The following PDE4D variants were observed in gnomAD, a reference collection of about 807,000 sequenced individuals.
PDE4D encodes the protein 3',5'-cyclic-AMP phosphodiesterase 4D.
In PDE4D, 24 loss-of-function variants were observed where a neutral mutation model predicts 87.4. That is an observed-to-expected ratio of 0.27 (90% CI 0.20 to 0.39). PDE4D has a LOEUF of 0.39. Among genes scored for constraint, PDE4D ranks in the 10% least tolerant of loss-of-function variants. The pLI, the probability that PDE4D is intolerant of heterozygous loss-of-function variation, is 1.00. For missense variants in PDE4D, 714 were observed against 1,041.0 expected, an observed-to-expected ratio of 0.69 and a Z score of 4.32; for synonymous variants, 384 against 383.2, an observed-to-expected ratio of 1.00 and a Z score of -0.02.
chr5:59,886,956 G>A (rs1750249902), intron 1 of PDE4D, among the ~76,000 whole-genome samples: 1 of 151,992 alleles, frequency 6.6e-6, no homozygotes, highest in African/African-American at 2.4e-5. Context: ...ATGAGGAGAG[G>A]TTGGAGCTAG....
At chr5:60,030,781 T>A (rs777150722) in intron 2 of PDE4D, 1 of 152,218 alleles carries the variant, frequency 6.6e-6, no homozygotes, top group Non-Finnish European at 1.5e-5. Flanking sequence ...TAAATGAATT[T>A]AAAAACTCAC....
chr5:59,022,938 G>A, intron 6 of PDE4D, among the ~76,000 whole-genome samples: 1 of 152,112 alleles, frequency 6.6e-6, no homozygotes, highest in Non-Finnish European at 1.5e-5. Flanking sequence ...CACTTTGGCG[G>A]GCCAAGGTGG....
intron 1 of PDE4D, among the ~76,000 whole-genome samples, chr5:60,457,289 G>T (rs999136349): frequency 6.6e-6 from 1 of 152,066 alleles, no homozygotes; most frequent in Non-Finnish European, 1.5e-5. Flanking sequence ...TTTCCCTCCT[G>T]TTTTCTAATG....
chr5:60,470,081 G>T (rs1320697928), intron 1 of PDE4D, among the ~76,000 whole-genome samples: 1 of 152,166 alleles, frequency 6.6e-6, no homozygotes, highest in Non-Finnish European at 1.5e-5. Context: ...AATTAAAAGT[G>T]CTACTCCAGT....
At chr5:60,406,407 G>A (rs569761346) in intron 1 of PDE4D, among the ~76,000 whole-genome samples, 3 of 152,186 alleles carry the variant, frequency 2.0e-5, no homozygotes, top group South Asian at 2.1e-4. Flanking sequence ...CTCAGTGCAC[G>A]ATTTATAACC....
intron 1 of PDE4D, among the ~76,000 whole-genome samples, chr5:59,496,549 C>T (rs1450984888): frequency 6.6e-6 from 1 of 152,106 alleles, no homozygotes; most frequent in Non-Finnish European, 1.5e-5. Context: ...GACAGTAACC[C>T]ACCAGCTCTG....
chr5:60,025,741 C>A (rs1766553773), intron 2 of PDE4D, among the ~76,000 whole-genome samples: 1 of 151,886 alleles, frequency 6.6e-6, no homozygotes, highest in African/African-American at 2.4e-5. Context: ...GTAACAAAGA[C>A]ATCATGATTT....
intron 5 of PDE4D, among the ~76,000 whole-genome samples, chr5:59,060,836 C>T (rs1282151609): frequency 6.6e-6 from 1 of 152,106 alleles, no homozygotes; most frequent in Non-Finnish European, 1.5e-5. Flanking sequence ...ACAAGAATCA[C>T]CCTGGAGCTT....
chr5:59,165,336 C>T (rs768352610), intron 5 of PDE4D, among the ~76,000 whole-genome samples: 2 of 152,112 alleles, frequency 1.3e-5, no homozygotes, highest in South Asian at 2.1e-4. Context: ...TGCAGTGGCA[C>T]GATCTCAGCT....
At chr5:59,396,605 C>T (rs1433691300) in intron 1 of PDE4D, among the ~76,000 whole-genome samples, 35 of 93,214 alleles carry the variant, frequency 3.8e-4, no homozygotes, top group African/African-American at 1.6e-3. Context: ...AAAGGAACAA[C>T]CGGTACCAGC....
chr5:60,087,726 A>G (rs1463404231), intron 2 of PDE4D, among the ~76,000 whole-genome samples: 1 of 152,114 alleles, frequency 6.6e-6, no homozygotes, highest in Non-Finnish European at 1.5e-5. Context: ...AAGAATTTAA[A>G]AAAAGAGTAA....
At chr5:59,938,858 G>A (rs1343783493) in intron 3 of PDE4D, among the ~76,000 whole-genome samples, 2 of 152,146 alleles carry the variant, frequency 1.3e-5, no homozygotes, top group East Asian at 3.9e-4. Flanking sequence ...ACATTAAAAT[G>A]TCAGTAAGGA....
chr5:59,382,018 T>G (rs1300071461), intron 1 of PDE4D, among the ~76,000 whole-genome samples: 1 of 152,164 alleles, frequency 6.6e-6, no homozygotes, highest in East Asian at 1.9e-4. Flanking sequence ...TCATGGCCAT[T>G]GTAGATTACA....
At chr5:59,147,057 GC>G (rs2153458066) in intron 5 of PDE4D, among the ~76,000 whole-genome samples, 1 of 152,210 alleles carries the variant, frequency 6.6e-6, no homozygotes, top group Non-Finnish European at 1.5e-5. Context: ...TCTAGGTTGT[GC>G]ACTCCTTATG....
chr5:59,157,441 T>A, intron 5 of PDE4D: 2 of 693,124 alleles, frequency 2.9e-6, no homozygotes, highest in Non-Finnish European at 5.3e-6. Context: ...GGATAAGAGT[T>A]ACTATTGTAA....
Position 59,752,633 on chromosome 5 carries a change from A to C in PDE4D, c.455+140535T>G, listed in dbSNP as rs529927280. ...GGGAAAACTGGCAGTGCTTGGAGAC[A>C]TTTTGAATTTTCACCTCATGGTGGA... is the stretch of plus-strand genomic sequence containing the variant. On this transcript the variant is annotated intron_variant, in intron 1 of 14. Coordinates refer to ENST00000340635, the MANE Select transcript of PDE4D (RefSeq NM_001104631.2). Among the ~76,000 whole-genome samples the C allele has an allele frequency of 2.0e-5, 3 of 152,196 alleles. No individual in the cohort carries two copies. In the South Asian group the frequency reaches 6.2e-4, roughly 32 times the overall value.
rs1266327372 is a variant in PDE4D, at chr5:59,616,192, C to T, written c.455+276976G>A. 7.2e-5 allele frequency among the ~76,000 whole-genome samples: 11 copies of T among 151,918 alleles called. No homozygotes were observed. The East Asian group carries it at 2.1e-3, about 29-fold the overall frequency. ...TGTCCATGTGTCTTAGTAGTAAAAC[C>T]AAGAAATAATCTCATCTGATTTTAA... On this transcript the variant is annotated intron_variant, in intron 1 of 14. Coordinates refer to ENST00000340635, the MANE Select transcript of PDE4D (RefSeq NM_001104631.2).
chr5:59,669,744 T>C (rs1255572191), intron 1 of PDE4D, among the ~76,000 whole-genome samples: 1 of 152,154 alleles, frequency 6.6e-6, no homozygotes, highest in Non-Finnish European at 1.5e-5. Flanking sequence ...CTTTCTTCTA[T>C]TTCTATTTTT....
At chr5:60,311,291 G>A (rs1755015014) in intron 1 of PDE4D, among the ~76,000 whole-genome samples, 1 of 152,146 alleles carries the variant, frequency 6.6e-6, no homozygotes, top group African/African-American at 2.4e-5. Flanking sequence ...CAAAGTGCTG[G>A]GATTACAGGC....
Sources: allele counts gnomAD v4.1 joint callset (sites outside exome capture counted in the v4.1 genomes callset), GRCh38; gene constraint gnomAD v4.1.1; transcripts MANE v1.5; gene names NCBI Gene and HGNC (gene_info 2026-07-23, HGNC 2026-07-21).